The following GPC1 variants were observed in gnomAD, a reference collection of about 807,000 sequenced individuals.
GPC1 encodes glypican-1.
Under a neutral mutation model 51.5 loss-of-function variants are expected in GPC1, and 26 were observed. The ratio of observed to expected loss-of-function variants is 0.50; its 90% confidence interval spans 0.37 to 0.70. The LOEUF (loss-of-function observed/expected upper bound fraction) is 0.70. GPC1 is among the 30% of genes least tolerant of loss of function. The pLI, the probability that GPC1 is intolerant of heterozygous loss-of-function variation, is 0.00. For synonymous variants in GPC1, 380 were observed against 348.3 expected (o/e 1.09, Z -1.01); for missense variants, 775 against 800.5 (o/e 0.97, Z 0.38).
chr2:240,450,641 C>T (rs1281641819), intron 1 of GPC1: 1 of 470,602 alleles, frequency 2.1e-6, no homozygotes, highest in Non-Finnish European at 4.4e-6. Flanking sequence ...GGGGCGTGCC[C>T]CGTCGAGCCC....
chr2:240,457,594 G>C (rs2074178611), intron 1 of GPC1: 1 of 403,678 alleles, frequency 2.5e-6, no homozygotes, highest in South Asian at 1.8e-5. Context: ...CGCTGCTCCA[G>C]GCCCTGCCTG....
chr2:240,465,523 C>G lies in GPC1; in HGVS notation c.1319C>G (p.Pro440Arg), dbSNP rs776391105. The change falls in exon 8 of 9, where the codon CCC (proline) becomes CGC (arginine). Residue 440 changes from proline to arginine, a missense_variant. Transcript: ENST00000264039. ...GDGLANQINN[P>R]EVEVDITKPD... ...GGCCTGGCCAACCAGATCAACAACC[C>G]CGAGGTGGAGGTGGACATCACCAAG... 3 of 1,613,206 alleles carry G rather than the reference C, an allele frequency of 1.9e-6. No individual in the cohort carries two copies. The highest frequency in any genetic ancestry group is 2.5e-6 in the Non-Finnish European group (3 of 1,180,000).
At chr2:240,446,712 A>G (rs546382408) in intron 1 of GPC1, among the ~76,000 whole-genome samples, 143 of 152,256 alleles carry the variant, frequency 9.4e-4, no homozygotes, top group Middle Eastern at 3.4e-3. Flanking sequence ...CTCCTCCCCA[A>G]CCCAAGGAGC....
intron 1 of GPC1, among the ~76,000 whole-genome samples, chr2:240,446,172 C>T (rs1348138230): frequency 2.0e-5 from 3 of 152,242 alleles, no homozygotes; most frequent in Non-Finnish European, 4.4e-5. Flanking sequence ...CCCACGGTGG[C>T]CTAGGGTCCG....
chr2:240,457,902 T>G, intron 1 of GPC1: 6 of 365,384 alleles, frequency 1.6e-5, no homozygotes, highest in South Asian at 9.9e-5. Flanking sequence ...GAATTCCTGC[T>G]GACAACGCCC....
chr2:240,437,508 C>T (rs1310222800), intron 1 of GPC1, among the ~76,000 whole-genome samples: 1 of 152,100 alleles, frequency 6.6e-6, no homozygotes, highest in Non-Finnish European at 1.5e-5. Context: ...GACAGGCCTT[C>T]CTGTGCCTCT....
intron 4 of GPC1, chr2:240,464,207 AT>A (rs926353573): frequency 1.2e-5 from 3 of 260,700 alleles, no homozygotes; most frequent in Non-Finnish European, 2.3e-5. Context: ...TAAGGTGTAC[AT>A]GGGGGGGGCA....
rs918106236 is a variant in GPC1 at position 240,448,381 on chromosome 2, A to G, written c.167-10649A>G. 1.3e-5 allele frequency among the ~76,000 whole-genome samples: 2 copies of G among 151,738 alleles called. No homozygotes were observed. The highest frequency in any genetic ancestry group is 3.9e-4 in the East Asian group (2 of 5,148). ...TCTGCCAGGCAGTCCGGGTGTAGAT[A>G]GTCCCTGCCAGGCAGTCCAGGTGTA... On this transcript the variant is annotated intron_variant, in intron 1 of 8. Coordinates refer to ENST00000264039, the MANE Select transcript of GPC1 (RefSeq NM_002081.3). This position sits in a 1 kb window ranked among gnomAD's most constrained non-coding sequence, Gnocchi z 4.5.
intron 1 of GPC1, chr2:240,458,716 C>T (rs1270876044): frequency 3.0e-6 from 1 of 338,438 alleles, no homozygotes; most frequent in African/African-American, 2.1e-5. Flanking sequence ...ACACAGGAAC[C>T]TGAGGCCAGT....
chr2:240,441,261 A>G (rs1334968314), intron 1 of GPC1, among the ~76,000 whole-genome samples: 4 of 152,352 alleles, frequency 2.6e-5, no homozygotes, highest in Non-Finnish European at 5.9e-5. Context: ...TGTCTGTTCT[A>G]TGGCATCCAT....
intron 2 of GPC1, among the ~76,000 whole-genome samples, chr2:240,460,555 G>A (rs1327633258): frequency 2.6e-5 from 4 of 152,014 alleles, no homozygotes; most frequent in Non-Finnish European, 2.9e-5. Context: ...CATCCTGCCC[G>A]CCTGCTTCCT....
chr2:240,439,831 G>T (rs1475096194), intron 1 of GPC1, among the ~76,000 whole-genome samples: 3 of 152,220 alleles, frequency 2.0e-5, no homozygotes, highest in African/African-American at 7.2e-5. Context: ...AGCCTTTGCT[G>T]TGTCGCTGCT....
intron 1 of GPC1, among the ~76,000 whole-genome samples, chr2:240,437,555 C>T (rs1055453261): frequency 6.6e-6 from 1 of 152,196 alleles, no homozygotes; most frequent in African/African-American, 2.4e-5. Flanking sequence ...CTGCCCCCCT[C>T]ACCCCACTGG....
At chr2:240,436,708 G>A (rs1040298555) in intron 1 of GPC1, among the ~76,000 whole-genome samples, 1 of 152,262 alleles carries the variant, frequency 6.6e-6, no homozygotes, top group African/African-American at 2.4e-5. Context: ...CTTATCCGCG[G>A]GCGGAACGCC....
At chr2:240,451,184 A>G (rs1452718245) in intron 1 of GPC1, 7 of 471,020 alleles carry the variant, frequency 1.5e-5, no homozygotes, top group African/African-American at 4.0e-5. Flanking sequence ...GAGGCACCCA[A>G]GGGTTTGCTC....
intron 1 of GPC1, among the ~76,000 whole-genome samples, chr2:240,442,090 C>T (rs1328017861): frequency 1.3e-5 from 2 of 152,176 alleles, no homozygotes; most frequent in Non-Finnish European, 2.9e-5. Context: ...CCAGCTCCTG[C>T]TGACCCACCT....
chr2:240,463,216 G>T (rs993755358), intron 3 of GPC1, 131 bp from the exon 4 acceptor site: 1 of 714,988 alleles, frequency 1.4e-6, no homozygotes, highest in Non-Finnish European at 2.3e-6. Flanking sequence ...CGACCACCAC[G>T]AGCTGGGGCA....
chr2:240,465,199 G>A lies in GPC1; in HGVS notation c.1257G>A (p.Met419Ile), dbSNP rs1294475726. ...GTGATGACCGCTGCTGGAACGGGAT[G>A]GCCAGAGGCCGGTAGGTGCCCACCT... ...TASDDRCWNG[M>I]ARGRYLPEVM... Residue 419 changes from methionine to isoleucine, a missense_variant, in exon 7 of 9, where the codon ATG becomes ATA. Transcript: ENST00000264039. 1.9e-6 allele frequency: 3 copies of A among 1,608,466 alleles called. No homozygotes were observed. Among genetic ancestry groups the A allele is most frequent in the East Asian group, 4.5e-5 (2 of 44,830 alleles).
intron 1 of GPC1, among the ~76,000 whole-genome samples, chr2:240,455,283 C>T (rs181295476): frequency 7.9e-5 from 12 of 152,322 alleles, no homozygotes; most frequent in Non-Finnish European, 1.3e-4. Context: ...AGGGAAGTGT[C>T]CCAGTGACTG....
Sources: gnomAD v4.1 joint callset for allele counts (sites outside exome capture counted in the v4.1 genomes callset) on GRCh38, gnomAD v4.1.1 for gene constraint, Gnocchi (gnomAD v3.1) non-coding constraint, MANE v1.5 for transcripts, NCBI Gene and HGNC (gene_info 2026-07-23, HGNC 2026-07-21) for gene names.